ODAD2: variants seen among roughly 807,000 people sequenced by gnomAD.
The protein encoded by ODAD2 is outer dynein arm docking complex subunit 2.
Under a neutral mutation model 106.8 loss-of-function variants are expected in ODAD2, and 89 were observed. The ratio of observed to expected loss-of-function variants is 0.83; its 90% CI spans 0.70 to 0.99. The LOEUF (loss-of-function observed/expected upper bound fraction) is 0.99. Ranked by LOEUF, ODAD2 falls within the 50% of genes least tolerant of loss-of-function variation. The pLI, the probability that ODAD2 is intolerant of heterozygous loss-of-function variation, is 0.00. For missense variants in ODAD2, 1,168 were observed against 1,238.5 expected, an observed-to-expected ratio of 0.94 and a Z score of 0.85; for synonymous variants, 404 against 436.2, an observed-to-expected ratio of 0.93 and a Z score of 0.92.
intron 17 of ODAD2, among the ~76,000 whole-genome samples, chr10:27,900,434 G>A (rs1220982522): frequency 1.3e-5 from 2 of 152,098 alleles, no homozygotes; most frequent in East Asian, 1.9e-4. Flanking sequence ...CTCCTCACCA[G>A]CAAAGGAACA....
chr10:27,994,406 A>AC (rs536469036), intron 2 of ODAD2, among the ~76,000 whole-genome samples: 473 of 152,214 alleles, frequency 3.1e-3, no homozygotes, highest in Middle Eastern at 0.027. Context: ...ATACGGAAGT[A>AC]CCCCATACAT....
intron 8 of ODAD2, among the ~76,000 whole-genome samples, chr10:27,970,101 A>AAAT (rs1848742470): frequency 7.5e-6 from 1 of 133,320 alleles, no homozygotes; most frequent in Non-Finnish European, 1.7e-5. Context: ...TCTGTCTCAA[A>AAAT]AAATAAATAA....
At chr10:27,983,581 C>T (rs1465488286) in intron 6 of ODAD2, among the ~76,000 whole-genome samples, 3 of 152,126 alleles carry the variant, frequency 2.0e-5, no homozygotes, top group South Asian at 2.1e-4. Context: ...GAAGTGATTA[C>T]GTTAAAGACA....
At chr10:27,915,666 T>C (rs1844315361) in intron 16 of ODAD2, among the ~76,000 whole-genome samples, 1 of 152,076 alleles carries the variant, frequency 6.6e-6, no homozygotes, top group Non-Finnish European at 1.5e-5. Flanking sequence ...AGAATGGCAT[T>C]TATAAAATGC....
chr10:27,936,351 T>C (rs1253517767), intron 15 of ODAD2, among the ~76,000 whole-genome samples: 1 of 152,330 alleles, frequency 6.6e-6, no homozygotes, highest in Admixed American at 6.5e-5. Flanking sequence ...TGTTTATCTT[T>C]AGAAAAGGAA....
intron 17 of ODAD2, among the ~76,000 whole-genome samples, chr10:27,867,993 T>C (rs1840574594): frequency 6.6e-6 from 1 of 151,176 alleles, no homozygotes; most frequent in Admixed American, 6.6e-5. Context: ...CCAGTCAATT[T>C]CCATATACAG....
chr10:27,959,230 AG>A (rs1847947040), intron 10 of ODAD2, among the ~76,000 whole-genome samples: 3 of 37,904 alleles, frequency 7.9e-5, no homozygotes, highest in Non-Finnish European at 1.4e-4. Context: ...AGGGGAGGGG[AG>A]GCGAGGAGGG....
intron 19 of ODAD2, among the ~76,000 whole-genome samples, chr10:27,856,619 C>T (rs1368677809): frequency 6.6e-6 from 1 of 152,188 alleles, no homozygotes; most frequent in Non-Finnish European, 1.5e-5. Flanking sequence ...TCTGGAATTG[C>T]ACAGTCTGGC....
intron 16 of ODAD2, among the ~76,000 whole-genome samples, chr10:27,932,443 ATATT>A (rs1169753411): frequency 2.0e-5 from 3 of 152,352 alleles, no homozygotes; most frequent in East Asian, 3.9e-4. Flanking sequence ...GACCATCTGT[ATATT>A]TATTAAGAAA....
rs973070382 is a variant in ODAD2, at chr10:27,863,678, C to T, written c.2611-1056G>A. 2.6e-5 allele frequency among the ~76,000 whole-genome samples: 4 copies of T among 152,112 alleles called. No individual in the cohort carries two copies. The South Asian group carries it at 8.3e-4, about 32-fold the overall frequency. On this transcript the variant is annotated intron_variant, in intron 17 of 19. Coordinates refer to ENST00000305242, the MANE Select transcript of ODAD2 (RefSeq NM_018076.5). ...GAGATGAAGAGACTACAAATCCATA[C>T]AATGAGGAAACCTCAACTAATATAA...
At chr10:27,854,013 T>C (rs1034952024) in intron 19 of ODAD2, among the ~76,000 whole-genome samples, 3 of 152,098 alleles carry the variant, frequency 2.0e-5, no homozygotes, top group Non-Finnish European at 4.4e-5. Context: ...GCAACCAGAA[T>C]GTATACAGAA....
In ODAD2 at chr10:27,924,052, A is replaced by AAGAAAGAAGGAAAG. The variant is rs1354928352; in HGVS notation, c.2495+10957_2495+10958insCTTTCCTTCTTTCT. Reference sequence around the variant, plus strand: ...AAAGAGAAAGAAAGAAGGAAAGAGAAAGAAAGAAAGAAAGAAAGAAAGAGA... The same window carrying AAGAAAGAAGGAAAG: ...AAAGAGAAAGAAAGAAGGAAAGAGAAAGAAAGAAGGAAAGAGAAAGAAAGAAAGAAAGAAAGAGA... On this transcript the variant is annotated intron_variant, in intron 16 of 19. Transcript: ENST00000305242. Among the ~76,000 whole-genome samples, 56 of 137,514 alleles carry AAGAAAGAAGGAAAG rather than the reference A, an allele frequency of 4.1e-4. 2 individuals are homozygous for AAGAAAGAAGGAAAG. Among genetic ancestry groups the AAGAAAGAAGGAAAG allele is most frequent in the South Asian group, 1.3e-3 (6 of 4,538 alleles). The allele number at this position is 137,514 out of a possible 152,430, so 90.2% of individuals were successfully genotyped here. A position where few individuals can be genotyped will look rare whatever the true frequency, so the allele number is the denominator to read the frequency against.
In ODAD2 at chr10:27,940,663, C is replaced by T. The variant is rs200127444; in HGVS notation, c.1886G>A (p.Arg629His). ...CAACAGAGGAATGCCCCCAGCTTTG[C>T]GGATGGCTTCTTTATTCGTATGACT... is the stretch of plus-strand genomic sequence containing the variant. ...SKSHTNKEAI[R>H]KAGGIPLLAR... Residue 629 changes from arginine (R) to histidine (H), a missense_variant, in exon 13 of 20, where the codon CGC becomes CAC. Physicochemically the swap from Arg to His is conservative, Grantham distance 29. Around this residue, in one of 3 missense-constraint regions of ODAD2, gnomAD observed 701 missense variants for 712.3 expected, o/e 0.98. Transcript: ENST00000305242. The T allele has an allele frequency of 3.1e-5, 50 of 1,614,110 alleles. 2 individuals carry two copies. Among genetic ancestry groups the T allele is most frequent in the Admixed American group, 6.7e-5 (4 of 60,022 alleles).
chr10:27,860,628 T>TA lies in ODAD2; in HGVS notation c.3017dup (p.Leu1008AlafsTer10). On this transcript the variant is annotated frameshift_variant, in exon 19 of 20. Coordinates refer to ENST00000305242, the MANE Select transcript of ODAD2 (RefSeq NM_018076.5). LOFTEE classifies it high-confidence loss of function. ...CCACAAAGTCATTCAACTGTACCTT[T>TA]ACTGCACCATTCTCATGCATGGTGA... is the stretch of plus-strand genomic sequence containing the variant. 1.2e-6 allele frequency: 2 copies of TA among 1,613,780 alleles called. No homozygotes were observed. Among genetic ancestry groups the TA allele is most frequent in the Non-Finnish European group, 1.7e-6 (2 of 1,179,870 alleles).
chr10:27,952,720 A>C (rs556005584), intron 10 of ODAD2, among the ~76,000 whole-genome samples: 2 of 152,268 alleles, frequency 1.3e-5, no homozygotes, highest in African/African-American at 4.8e-5. Context: ...CCTGGGCATA[A>C]GGGTCTTCTG....
chr10:27,918,479 G>A (rs770652602), intron 16 of ODAD2, among the ~76,000 whole-genome samples: 13 of 151,636 alleles, frequency 8.6e-5, no homozygotes, highest in Admixed American at 2.0e-4. Context: ...AAAAAGCATC[G>A]TATAAAATTC....
rs562463677 is a variant in ODAD2 at position 27,958,572 on chromosome 10, C to G, written c.1386+2996G>C. 1.9e-4 allele frequency among the ~76,000 whole-genome samples: 29 copies of G among 152,250 alleles called. No homozygotes were observed. In the South Asian group the frequency reaches 3.7e-3, roughly 20 times the overall value. The stretch of plus-strand genomic sequence containing the variant: ...CTGTATTAACTCACTCTACTTCCCC[C>G]CTTTTATTGGTTGCTAGAGAACTGA... On this transcript the variant is annotated intron_variant, in intron 10 of 19. Transcript: ENST00000305242.
chr10:27,968,161 GAAGA>G (rs1404564108), intron 9 of ODAD2, among the ~76,000 whole-genome samples: 4 of 151,388 alleles, frequency 2.6e-5, no homozygotes, highest in African/African-American at 7.3e-5. Flanking sequence ...CAAAGAAAGA[GAAGA>G]TAGAAAAGAA....
At chr10:27,983,329 C>T (rs1204576873) in intron 6 of ODAD2, among the ~76,000 whole-genome samples, 1 of 152,190 alleles carries the variant, frequency 6.6e-6, no homozygotes, top group Non-Finnish European at 1.5e-5. Context: ...ATCTGGAGCC[C>T]TGCCTCATGG....
Sources: gnomAD v4.1 joint callset for allele counts (sites outside exome capture counted in the v4.1 genomes callset) on GRCh38, gnomAD v4.1.1 for gene constraint, gnomAD v4.1.1 regional missense constraint, MANE v1.5 for transcripts, NCBI Gene and HGNC (gene_info 2026-07-23, HGNC 2026-07-21) for gene names.